ACTN1: variants seen among roughly 807,000 people sequenced by gnomAD.
ACTN1 encodes actinin alpha 1, also known as alpha-actinin-1.
In ACTN1, 30 loss-of-function variants were observed where a neutral mutation model predicts 119.6. The ratio of observed to expected loss-of-function variants is 0.25; its 90% confidence interval spans 0.19 to 0.34. ACTN1 has a LOEUF of 0.34. ACTN1 is among the 10% of genes least tolerant of loss of function. ACTN1 has a pLI of 1.00. For missense variants in ACTN1, 764 were observed against 1,223.4 expected (o/e 0.62, Z 5.60); for synonymous variants, 429 against 472.6 (o/e 0.91, Z 1.20).
chr14:68,917,121 C>T (rs185575049), intron 3 of ACTN1, among the ~76,000 whole-genome samples: 103 of 152,322 alleles, frequency 6.8e-4, no homozygotes, highest in African/African-American at 2.5e-3. Context: ...AACTACATTC[C>T]AACCACTCAC....
intron 1 of ACTN1, among the ~76,000 whole-genome samples, chr14:68,962,315 C>A (rs1232511555): frequency 6.6e-6 from 1 of 152,114 alleles, no homozygotes; most frequent in Non-Finnish European, 1.5e-5. Flanking sequence ...CTCACCAGCT[C>A]GCAGGTGGAG....
At position 68,979,133 on chromosome 14, in the gene ACTN1, G is replaced by C. The variant is rs2037177637; in HGVS notation, c.-77C>G. The C allele has an allele frequency of 1.2e-6, 1 of 835,358 alleles. No homozygotes were observed. The highest frequency in any genetic ancestry group is 1.8e-5 in the African/African-American group (1 of 56,224). 51.7% of individuals were successfully genotyped at this position (835,358 alleles called of 1,614,324 possible). A position where few individuals can be genotyped will look rare whatever the true frequency, so the allele number is the denominator to read the frequency against. ...GCAACGGCTGCTGCCCTGGCGTGGG[G>C]AGGGAGTAGGGCTGGGCTGGGCTGG... On this transcript the variant is annotated 5_prime_UTR_variant, in exon 1 of 22. Transcript: ENST00000394419.
At chr14:68,891,859 G>A (rs1018352145) in intron 10 of ACTN1, among the ~76,000 whole-genome samples, 194 bp downstream of exon 10, 1 of 152,150 alleles carries the variant, frequency 6.6e-6, no homozygotes. Flanking sequence ...AGAGGGGGCT[G>A]CCCCACATGG....
chr14:68,902,999 G>A (rs1566619096), intron 7 of ACTN1, among the ~76,000 whole-genome samples: 1 of 152,128 alleles, frequency 6.6e-6, no homozygotes. Flanking sequence ...GGTATCACAT[G>A]GAATTATCAA....
At chr14:68,875,653 T>C (rs1408435044) in intron 21 of ACTN1, among the ~76,000 whole-genome samples, 1 of 152,220 alleles carries the variant, frequency 6.6e-6, no homozygotes, top group Non-Finnish European at 1.5e-5. Flanking sequence ...AGAGCTCATT[T>C]GGGGGCTCTG....
At chr14:68,923,382 G>A (rs553333428) in intron 2 of ACTN1, among the ~76,000 whole-genome samples, 2 of 152,304 alleles carry the variant, frequency 1.3e-5, no homozygotes, top group African/African-American at 4.8e-5. Context: ...ACTCAGATTA[G>A]GGGAGAGAGG....
At chr14:68,940,742 G>T (rs78902314) in intron 1 of ACTN1, among the ~76,000 whole-genome samples, 4 of 151,312 alleles carry the variant, frequency 2.6e-5, no homozygotes, top group African/African-American at 9.7e-5. Context: ...AATGTGCCTT[G>T]TTGACCAGAA....
At chr14:68,920,936 A>G in intron 3 of ACTN1, 70 bp downstream of exon 3, 1 of 1,582,974 alleles carries the variant, frequency 6.3e-7, no homozygotes, top group Admixed American at 1.8e-5. Context: ...GAGGCAGCAC[A>G]AAAAAGGCCA....
intron 2 of ACTN1, among the ~76,000 whole-genome samples, chr14:68,924,903 G>T (rs1175522539): frequency 6.6e-6 from 1 of 152,226 alleles, no homozygotes; most frequent in Non-Finnish European, 1.5e-5. Context: ...TTTTGGACAT[G>T]CTGAGAGGAC....
chr14:68,885,660 G>C lies in ACTN1; in HGVS notation c.1235-85C>G. ...CCGCCCACCCCTCAGGGCCCCAGGA[G>C]CTCCACTTCTGGGGGTGCTTCTCAA... On this transcript the variant is annotated intron_variant, in intron 11 of 21. Coordinates refer to ENST00000394419, the MANE Select transcript of ACTN1 (RefSeq NM_001130004.2). The surrounding 1 kb of genome is among the most constrained non-coding windows in gnomAD (Gnocchi z 5.6). 6.7e-7 allele frequency: 1 copy of C among 1,483,606 alleles called. No homozygotes were observed. The highest frequency in any genetic ancestry group is 9.1e-7 in the Non-Finnish European group (1 of 1,098,946). The allele number at this position is 1,483,606 out of a possible 1,614,324, so 91.9% of individuals were successfully genotyped here.
chr14:68,966,271 C>G (rs781362740), intron 1 of ACTN1, among the ~76,000 whole-genome samples: 2 of 152,156 alleles, frequency 1.3e-5, no homozygotes, highest in Non-Finnish European at 2.9e-5. Context: ...CTTAACTCTG[C>G]TGAGTGTCCA....
intron 1 of ACTN1, among the ~76,000 whole-genome samples, chr14:68,928,412 T>C (rs2140406184): frequency 6.6e-6 from 1 of 152,100 alleles, no homozygotes; most frequent in Middle Eastern, 3.4e-3. Flanking sequence ...TCTGGGCACC[T>C]CTCAAACTGG....
At chr14:68,971,451 G>A (rs909125890) in intron 1 of ACTN1, among the ~76,000 whole-genome samples, 4 of 152,130 alleles carry the variant, frequency 2.6e-5, no homozygotes, top group African/African-American at 9.7e-5. Context: ...ATTTACCTCC[G>A]AGTACCTTGG....
intron 6 of ACTN1, among the ~76,000 whole-genome samples, chr14:68,908,462 G>A (rs558450567): frequency 3.7e-4 from 57 of 152,272 alleles, no homozygotes; most frequent in Middle Eastern, 3.4e-3. Context: ...AAGTCCAGCC[G>A]CTCCTTGAAG....
chr14:68,880,406 CA>C lies in ACTN1; in HGVS notation c.2134-299del, dbSNP rs1472604750. Among the ~76,000 whole-genome samples, 1 of 151,894 alleles carries C rather than the reference CA, an allele frequency of 6.6e-6. No homozygotes were observed. On this transcript the variant is annotated intron_variant, in intron 17 of 21. Coordinates refer to ENST00000394419, the MANE Select transcript of ACTN1 (RefSeq NM_001130004.2). The surrounding 1 kb of genome is among the most constrained non-coding windows in gnomAD (Gnocchi z 4.6). ...GATTTGGGGGTAGGAAAGATTGAGA[CA>C]AAAAAATGTGTGATTCCCCGAACCT...
chr14:68,899,025 CCA>C (rs1009066703), intron 8 of ACTN1, among the ~76,000 whole-genome samples: 47 of 137,684 alleles, frequency 3.4e-4, no homozygotes, highest in Middle Eastern at 3.5e-3. Context: ...CCACAGCACA[CCA>C]CACACACACA....
At chr14:68,877,343 G>T in intron 20 of ACTN1, 103 bp from the exon 21 acceptor site, 1 of 1,421,474 alleles carries the variant, frequency 7.0e-7, no homozygotes. Flanking sequence ...ATGGCTGGAA[G>T]AGAAGGGCAC....
intron 2 of ACTN1, among the ~76,000 whole-genome samples, chr14:68,924,718 A>G (rs2034832304): frequency 6.6e-6 from 1 of 152,228 alleles, no homozygotes. Flanking sequence ...CACAGGCCAC[A>G]CTGACACCAC....
intron 8 of ACTN1, among the ~76,000 whole-genome samples, chr14:68,902,198 C>A (rs1466503382): frequency 6.6e-6 from 1 of 152,212 alleles, no homozygotes; most frequent in African/African-American, 2.4e-5. Flanking sequence ...CTGCCTCATG[C>A]ACACAGCCCT....
Sources: allele counts gnomAD v4.1 joint callset (sites outside exome capture counted in the v4.1 genomes callset), GRCh38; gene constraint gnomAD v4.1.1; non-coding constraint Gnocchi (gnomAD v3.1); transcripts MANE v1.5; gene names NCBI Gene and HGNC (gene_info 2026-07-23, HGNC 2026-07-21).